SLC2A9: variants seen among roughly 807,000 people sequenced by gnomAD.
SLC2A9 encodes solute carrier family 2 member 9.
Under a neutral mutation model 50.6 loss-of-function variants are expected in SLC2A9, and 39 were observed. That is an observed-to-expected ratio of 0.77 (90% CI 0.60 to 1.01). SLC2A9 has a LOEUF of 1.01. SLC2A9 is among the 50% of genes least tolerant of loss of function. The probability of loss-of-function intolerance (pLI) is 0.00; values close to 1 mark genes in which losing one functional copy is unlikely to be tolerated. For missense variants in SLC2A9, 686 were observed against 677.6 expected (o/e 1.01, Z -0.14); for synonymous variants, 324 against 276.9 (o/e 1.17, Z -1.69).
intron 10 of SLC2A9, among the ~76,000 whole-genome samples, chr4:9,837,186 T>G (rs1727248066): frequency 6.6e-6 from 1 of 152,220 alleles, no homozygotes; most frequent in South Asian, 2.1e-4. Context: ...CAATATTTAC[T>G]TACATAAGTT....
chr4:9,818,710 GATT>G (rs748881299), intron 3 of SLC2A9, among the ~76,000 whole-genome samples: 4 of 152,338 alleles, frequency 2.6e-5, no homozygotes, highest in Admixed American at 6.5e-5. Context: ...TCCCTGTCAC[GATT>G]ATTATTTTCT....
chr4:9,794,383 T>C (rs1720338945), downstream of SLC2A9, among the ~76,000 whole-genome samples: 1 of 152,214 alleles, frequency 6.6e-6, no homozygotes, highest in Admixed American at 6.5e-5. Flanking sequence ...CTCAAACTCC[T>C]GACTTCAGGT....
At chr4:9,992,984 C>T (rs146383035) in intron 3 of SLC2A9, among the ~76,000 whole-genome samples, 15 of 152,358 alleles carry the variant, frequency 9.8e-5, no homozygotes, top group African/African-American at 2.9e-4. Flanking sequence ...CACAGCACTG[C>T]TCAGAATCAT....
intron 6 of SLC2A9, among the ~76,000 whole-genome samples, chr4:9,929,720 C>T (rs1235707990): frequency 2.0e-5 from 3 of 150,314 alleles, no homozygotes; most frequent in African/African-American, 7.4e-5. Context: ...ACAACCCACA[C>T]CGGGGCTCCA....
chr4:9,794,258 G>A (rs899135964), downstream of SLC2A9, among the ~76,000 whole-genome samples: 1 of 151,960 alleles, frequency 6.6e-6, no homozygotes, highest in African/African-American at 2.4e-5. Context: ...GGTTTCAAGC[G>A]ATTCTCCTGC....
rs780509545 is a variant in SLC2A9, at chr4:9,890,697, C to T, written c.1128G>A (p.Glu376=). The T allele has an allele frequency of 2.7e-5, 44 of 1,614,018 alleles. No homozygotes were observed. The East Asian group carries it at 9.8e-4, about 36-fold the overall frequency. The part of the protein sequence containing the change: ...LAAVFSGLVI[E]HLGRRPLLIG... ...TGAGGAGGGGTCTCCGTCCCAGGTG[C>T]TCAATGACCAAACCCTAGTCCAGGG... The change falls in exon 9 of 12, where the codon GAG becomes GAA. Residue 376 remains glutamate, a synonymous_variant. Transcript: ENST00000264784.
intron 5 of SLC2A9, among the ~76,000 whole-genome samples, chr4:9,973,662 G>A (rs982026650): frequency 7.4e-6 from 1 of 135,894 alleles, no homozygotes; most frequent in African/African-American, 2.8e-5. Flanking sequence ...ATTGAACAAT[G>A]AGAACACATG....
chr4:9,819,116 CAAAAAA>C (rs60751108), intron 3 of SLC2A9, among the ~76,000 whole-genome samples: 1 of 57,368 alleles, frequency 1.7e-5, no homozygotes, highest in Non-Finnish European at 3.9e-5. Flanking sequence ...GAGACTGTCT[CAAAAAA>C]AAAAAAAAAA....
At chr4:9,995,171 G>T (rs147625104) in intron 3 of SLC2A9, among the ~76,000 whole-genome samples, 59 of 152,212 alleles carry the variant, frequency 3.9e-4, no homozygotes, top group African/African-American at 1.4e-3. Flanking sequence ...AGACCCCACA[G>T]CAGATAGAAA....
chr4:10,020,777 T>C (rs1266986142), intron 1 of SLC2A9, among the ~76,000 whole-genome samples: 1 of 152,134 alleles, frequency 6.6e-6, no homozygotes, highest in Admixed American at 6.5e-5. Context: ...CCCCATCAGA[T>C]TGGGAGCACC....
chr4:10,021,380 AG>A lies in SLC2A9; in HGVS notation c.49del (p.Leu17SerfsTer23). On this transcript the variant is annotated frameshift_variant, in exon 1 of 12. Coordinates refer to ENST00000264784, the MANE Select transcript of SLC2A9 (RefSeq NM_020041.3). LOFTEE classifies it high-confidence loss of function. Reference protein sequence around the residue: ...RNSKELGLVPLTDDTSHAGPP... With the variant: ...RNSKELGLVPXTDDTSHAGPP... ...CCCGGCGTGGCTGGTGTCATCTGTG[AG>A]GGGAACTAGGCCCAGTTCCTTGGAA... 1 of 1,614,154 alleles carries A rather than the reference AG, an allele frequency of 6.2e-7. No individual in the cohort carries two copies. The highest frequency in any genetic ancestry group is 8.5e-7 in the Non-Finnish European group (1 of 1,180,006).
chr4:9,774,890 C>T (rs1258199361), downstream of SLC2A9, among the ~76,000 whole-genome samples: 1 of 152,088 alleles, frequency 6.6e-6, no homozygotes, highest in Non-Finnish European at 1.5e-5. Context: ...AAAATGACCA[C>T]CTGGAAACCC....
intron 3 of SLC2A9, among the ~76,000 whole-genome samples, chr4:9,792,121 A>G (rs1719995215): frequency 6.9e-6 from 1 of 144,530 alleles, no homozygotes; most frequent in East Asian, 2.0e-4. Flanking sequence ...TCATTTCTCT[A>G]TTCCAGGATA....
intron 4 of SLC2A9, among the ~76,000 whole-genome samples, chr4:9,982,070 C>T (rs910757451): frequency 1.2e-4 from 18 of 152,164 alleles, no homozygotes; most frequent in East Asian, 9.7e-4. Context: ...TTAGTAGAGA[C>T]GGGTTTCTCC....
intron 10 of SLC2A9, among the ~76,000 whole-genome samples, chr4:9,882,821 C>T (rs1026140949): frequency 1.3e-5 from 2 of 152,000 alleles, no homozygotes; most frequent in African/African-American, 2.4e-5. Context: ...AAATAAATGG[C>T]CGTGTCCATT....
At chr4:9,959,373 G>A (rs1221525410) in intron 5 of SLC2A9, among the ~76,000 whole-genome samples, 5 of 147,660 alleles carry the variant, frequency 3.4e-5, no homozygotes, top group East Asian at 1.9e-4. Context: ...CTCTAGCCTC[G>A]GAGATACACG....
chr4:9,873,047 T>C (rs1330313146), intron 10 of SLC2A9, among the ~76,000 whole-genome samples: 2 of 152,228 alleles, frequency 1.3e-5, no homozygotes, highest in East Asian at 3.9e-4. Context: ...GTCTTCAACA[T>C]TCCCCTATAG....
At chr4:10,009,245 C>T (rs940598058) in intron 2 of SLC2A9, among the ~76,000 whole-genome samples, 6 of 152,166 alleles carry the variant, frequency 3.9e-5, no homozygotes, top group Admixed American at 6.5e-5. Flanking sequence ...ACCTGCCAGG[C>T]GACATGCTTC....
intron 2 of SLC2A9, chr4:10,006,577 A>G (rs1055663398): frequency 1.3e-5 from 2 of 151,958 alleles, no homozygotes; most frequent in Non-Finnish European, 2.9e-5. Flanking sequence ...ACAAAATTCC[A>G]CAATCCCAGC....
Sources: allele counts gnomAD v4.1 joint callset (sites outside exome capture counted in the v4.1 genomes callset), GRCh38; gene constraint gnomAD v4.1.1; transcripts MANE v1.5; gene names NCBI Gene and HGNC (gene_info 2026-07-23, HGNC 2026-07-21).